Variants in CNTNAP5 observed in about 807,000 individuals in gnomAD.
The protein encoded by CNTNAP5 is contactin associated protein family member 5, also known as contactin-associated protein-like 5.
CNTNAP5 carries 72 observed loss-of-function variants against 150.2 expected under a neutral mutation model. The observed-to-expected ratio is 0.48, with a 90% CI of 0.40 to 0.58. CNTNAP5 has a LOEUF of 0.58. CNTNAP5 is among the 20% of genes least tolerant of loss of function. The pLI is 0.00. For missense variants in CNTNAP5, 1,636 were observed against 1,626.2 expected, an observed-to-expected ratio of 1.01 and a Z score of -0.10; for synonymous variants, 672 against 619.8, an observed-to-expected ratio of 1.08 and a Z score of -1.25.
At chr2:124,236,248 G>A (rs1252686268) in intron 2 of CNTNAP5, among the ~76,000 whole-genome samples, 1 of 152,184 alleles carries the variant, frequency 6.6e-6, no homozygotes, top group East Asian at 1.9e-4. Context: ...TTACAGGCGT[G>A]AGCCAAGTTC....
chr2:124,458,724 T>G (rs112377047), intron 6 of CNTNAP5, among the ~76,000 whole-genome samples: 1 of 152,128 alleles, frequency 6.6e-6, no homozygotes, highest in African/African-American at 2.4e-5. Context: ...TATTAATAAG[T>G]TAAAAGTGTC....
At chr2:124,372,996 T>C (rs780056) in intron 3 of CNTNAP5, among the ~76,000 whole-genome samples, 149,958 of 152,138 alleles carry the variant, frequency 0.99, 73,953 homozygotes, top group East Asian at 1. Context: ...AAGACAAAGA[T>C]GACAAAAATT....
In CNTNAP5 at chr2:124,463,066, T is replaced by G. The variant is rs7594534; in HGVS notation, c.919-11673T>G. On this transcript the variant is annotated intron_variant, in intron 6 of 23. Coordinates refer to ENST00000682447, the MANE Select transcript of CNTNAP5 (RefSeq NM_001367498.1). ...CATCTCCCCTGGGCTCATAAGGCCC[T>G]GCCCTTGTGACACAGGATATGACCG... Among the ~76,000 whole-genome samples, 761 of 152,308 alleles carry G rather than the reference T, an allele frequency of 5.0e-3. 7 individuals carry two copies. Among genetic ancestry groups the G allele is most frequent in the African/African-American group, 0.017 (723 of 41,576 alleles).
intron 6 of CNTNAP5, among the ~76,000 whole-genome samples, chr2:124,451,832 A>T (rs1002864100): frequency 1.3e-5 from 2 of 152,136 alleles, no homozygotes; most frequent in African/African-American, 4.8e-5. Context: ...TTTTGACCTT[A>T]CTTGGAGCTC....
intron 3 of CNTNAP5, among the ~76,000 whole-genome samples, chr2:124,313,645 C>T (rs185168938): frequency 5.3e-5 from 8 of 152,184 alleles, no homozygotes; most frequent in African/African-American, 1.9e-4. Context: ...CACACCCCTT[C>T]CACCCGTGGT....
intron 12 of CNTNAP5, among the ~76,000 whole-genome samples, chr2:124,616,706 A>G (rs1174421827): frequency 6.6e-6 from 1 of 152,242 alleles, no homozygotes; most frequent in East Asian, 1.9e-4. Context: ...CCAGCTTTTG[A>G]TTTAAAATGA....
intron 19 of CNTNAP5, among the ~76,000 whole-genome samples, chr2:124,814,913 T>C (rs1682316555): frequency 6.6e-6 from 1 of 152,152 alleles, no homozygotes; most frequent in Non-Finnish European, 1.5e-5. Flanking sequence ...GGGAAAAACG[T>C]GATCAAGTCA....
chr2:124,113,540 A>G (rs890578035), intron 1 of CNTNAP5, among the ~76,000 whole-genome samples: 23 of 87,436 alleles, frequency 2.6e-4, no homozygotes, highest in African/African-American at 7.4e-4. Flanking sequence ...GTGTGTGTGT[A>G]TTATTTGTAG....
At chr2:124,862,630 C>A (rs1677549687) in intron 19 of CNTNAP5, among the ~76,000 whole-genome samples, 1 of 152,176 alleles carries the variant, frequency 6.6e-6, no homozygotes, top group African/African-American at 2.4e-5. Flanking sequence ...CACTGGAGTG[C>A]ACAGCTGAAG....
chr2:124,812,397 G>A (rs1447279908), intron 19 of CNTNAP5, among the ~76,000 whole-genome samples: 1 of 151,202 alleles, frequency 6.6e-6, no homozygotes, highest in Non-Finnish European at 1.5e-5. Context: ...CTCCTTTATG[G>A]CAGAGCACTC....
At chr2:124,398,540 G>A (rs116165506) in intron 3 of CNTNAP5, among the ~76,000 whole-genome samples, 2,155 of 149,120 alleles carry the variant, frequency 0.014, 51 homozygotes, top group African/African-American at 0.05. Flanking sequence ...CTTTTTGCCC[G>A]GACTGGAGTA....
At chr2:124,048,948 TG>T (rs1681617251) in intron 1 of CNTNAP5, among the ~76,000 whole-genome samples, 1 of 152,238 alleles carries the variant, frequency 6.6e-6, no homozygotes, top group African/African-American at 2.4e-5. Flanking sequence ...AATGCAAGTT[TG>T]TTTTTCTTTC....
At chr2:124,222,951 TA>T in intron 2 of CNTNAP5, among the ~76,000 whole-genome samples, 1 of 152,252 alleles carries the variant, frequency 6.6e-6, no homozygotes, top group South Asian at 2.1e-4. Context: ...AATAATATTC[TA>T]AAAACAAAAG....
intron 3 of CNTNAP5, among the ~76,000 whole-genome samples, chr2:124,374,671 A>G (rs1690603755): frequency 6.6e-6 from 1 of 152,166 alleles, no homozygotes; most frequent in African/African-American, 2.4e-5. Flanking sequence ...GTAAGAGGAC[A>G]TGTCACATAA....
chr2:124,251,482 T>C (rs4144191), intron 3 of CNTNAP5, among the ~76,000 whole-genome samples: 1 of 136,550 alleles, frequency 7.3e-6, no homozygotes, highest in Non-Finnish European at 1.6e-5. Context: ...TTTTTTTTTT[T>C]ACCTTTTGTA....
chr2:124,028,158 G>C (rs1255174347), intron 1 of CNTNAP5, among the ~76,000 whole-genome samples: 1 of 152,114 alleles, frequency 6.6e-6, no homozygotes, highest in South Asian at 2.1e-4. Flanking sequence ...TGTGACAGTA[G>C]CCTTGAAAAT....
chr2:124,154,545 A>T (rs905696938), intron 1 of CNTNAP5, among the ~76,000 whole-genome samples: 1 of 152,142 alleles, frequency 6.6e-6, no homozygotes, highest in Non-Finnish European at 1.5e-5. Context: ...AGCAAAAATT[A>T]TCCTGCACTC....
intron 1 of CNTNAP5, among the ~76,000 whole-genome samples, chr2:124,170,857 T>C (rs1273801470): frequency 1.3e-5 from 2 of 151,794 alleles, no homozygotes; most frequent in Non-Finnish European, 2.9e-5. Flanking sequence ...AAGACCGTGT[T>C]CACAGACCCC....
At chr2:124,695,200 C>T (rs991252691) in intron 13 of CNTNAP5, among the ~76,000 whole-genome samples, 5 of 152,262 alleles carry the variant, frequency 3.3e-5, no homozygotes, top group African/African-American at 7.2e-5. Flanking sequence ...CCAATCTTAC[C>T]GTACCACCAT....
Sources: gnomAD v4.1 joint callset for allele counts (sites outside exome capture counted in the v4.1 genomes callset) on GRCh38, gnomAD v4.1.1 for gene constraint, MANE v1.5 for transcripts, NCBI Gene and HGNC (gene_info 2026-07-23, HGNC 2026-07-21) for gene names.